The following BRCA1 variants were observed in gnomAD, a reference collection of about 807,000 sequenced individuals.
The protein encoded by BRCA1 is breast cancer type 1 susceptibility protein.
In BRCA1, 140 loss-of-function variants were observed where a neutral mutation model predicts 173.7. The observed-to-expected ratio is 0.81, with a 90% confidence interval of 0.70 to 0.93. BRCA1 has a LOEUF of 0.93. BRCA1 is among the 40% of genes least tolerant of loss of function. The pLI is 0.00. For missense variants in BRCA1, 1,983 were observed against 2,172.5 expected (o/e 0.91, Z 1.73); for synonymous variants, 662 against 756.0 (o/e 0.88, Z 2.04).
rs1331124182 is a variant in BRCA1, at chr17:43,062,715, A to G, written c.5193+618T>C. ...CGGGTTCAAGAGATTCTCCTGCCTC[A>G]GCCTCCTGAGTAGCTGGAACTAAAG... On this transcript the variant is annotated intron_variant, in intron 18 of 22. Transcript: ENST00000357654. Among the ~76,000 whole-genome samples the G allele has an allele frequency of 2.6e-5, 4 of 152,180 alleles. No individual in the cohort carries two copies. The South Asian group carries it at 8.3e-4, about 32-fold the overall frequency.
At chr17:43,147,922 C>A (rs1453049697) in intron 1 of BRCA1, among the ~76,000 whole-genome samples, 3 of 152,164 alleles carry the variant, frequency 2.0e-5, no homozygotes, top group Non-Finnish European at 1.5e-5. Flanking sequence ...ACAAACTTTC[C>A]CCTTCCTATC....
In BRCA1 at chr17:43,091,647, A is replaced by C; in HGVS notation, c.3884T>G (p.Leu1295Trp). The part of the protein sequence containing the change: ...LSEETKCSAS[L>W]FSSQCSELED... ...CAATTCACTGCACTGTGAAGAAAAC[A>C]AGCTAGCAGAACATTTTGTTTCCTC... The change falls in exon 10 of 23, where the codon TTG becomes TGG. Residue 1295 changes from leucine (L) to tryptophan (W), a missense_variant. By Grantham distance (61) the Leu-to-Trp change is moderately conservative. Coordinates refer to ENST00000357654, the MANE Select transcript of BRCA1 (RefSeq NM_007294.4). The C allele has an allele frequency of 6.2e-7, 1 of 1,614,224 alleles. No homozygotes were observed. Among genetic ancestry groups the C allele is most frequent in the Non-Finnish European group, 8.5e-7 (1 of 1,180,036 alleles).
chr17:43,161,413 G>C (rs977247739), intron 1 of BRCA1: 3 of 152,214 alleles, frequency 2.0e-5, no homozygotes, highest in African/African-American at 7.2e-5. Context: ...GGGAAGCATA[G>C]ACAGGGAAGC....
chr17:43,099,498 C>CG (rs1367486723), intron 7 of BRCA1, among the ~76,000 whole-genome samples: 3 of 151,798 alleles, frequency 2.0e-5, no homozygotes, highest in Non-Finnish European at 4.4e-5. Flanking sequence ...CTCGAACTCC[C>CG]GACCTCAGGT....
intron 22 of BRCA1, among the ~76,000 whole-genome samples, chr17:43,046,695 C>T (rs2050930964): frequency 6.7e-6 from 1 of 148,674 alleles, no homozygotes; most frequent in South Asian, 2.1e-4. Flanking sequence ...GCGGAGGTTG[C>T]AGTGAGCCAA....
rs2154363066 is a variant in BRCA1 at position 43,092,814 on chromosome 17, T to C, written c.2717A>G (p.Lys906Arg). The C allele has an allele frequency of 6.2e-7, 1 of 1,613,992 alleles. No homozygotes were observed. The highest frequency in any genetic ancestry group is 8.5e-7 in the Non-Finnish European group (1 of 1,179,954). Residue 906 changes from lysine to arginine, a missense_variant, in exon 10 of 23, where the codon AAG (lysine) becomes AGG (arginine). Lys to Arg is a conservative substitution (Grantham distance 26). Transcript: ENST00000357654. ...SPKVTFECEQKEENQGKNESN... is the reference protein window; with the variant it reads ...SPKVTFECEQREENQGKNESN... ...CTCATTCTTTCCTTGATTTTCTTCC[T>C]TTTGTTCACATTCAAAAGTGACTTT...
In BRCA1 at chr17:43,100,680, T is replaced by TATATA. The variant is rs2054419361; in HGVS notation, c.442-805_442-801dup. 3.4e-3 allele frequency among the ~76,000 whole-genome samples: 38 copies of TATATA among 11,068 alleles called. 4 individuals are homozygous for TATATA. Among genetic ancestry groups the TATATA allele is most frequent in the African/African-American group, 0.012 (34 of 2,878 alleles). The allele number at this position is 11,068 out of a possible 152,430, so 7.3% of individuals were successfully genotyped here. A position where few individuals can be genotyped will look rare whatever the true frequency, so the allele number is the denominator to read the frequency against. The stretch of plus-strand genomic sequence containing the variant: ...AACATATATATATATATATATATAA[T>TATATA]ATATATATATATATATATATATGTA... On this transcript the variant is annotated intron_variant, in intron 6 of 22. Transcript: ENST00000357654.
chr17:43,125,394 T>C (rs1223309082), upstream of BRCA1: 4 of 402,058 alleles, frequency 9.9e-6, no homozygotes, highest in Non-Finnish European at 2.0e-5. Context: ...GCAGTTTTAA[T>C]TTATCTGTAA....
rs80357172 is a variant in BRCA1, at chr17:43,092,271, C to G, written c.3260G>C (p.Gly1087Ala). The change falls in exon 10 of 23, where the codon GGG becomes GCG. Residue 1087 changes from glycine to alanine, a missense_variant. Physicochemically the swap from Gly to Ala is moderately conservative, Grantham distance 60 (BLOSUM62 0). Transcript: ENST00000357654. ...TTTATAGACCTCAGGTTGCAAAACC[C>G]CTAATCTAAGCATAGCATTCAATTT... is the stretch of plus-strand genomic sequence containing the variant. ...GPKLNAMLRL[G>A]VLQPEVYKQS... The G allele has an allele frequency of 1.8e-5, 29 of 1,613,632 alleles. No individual in the cohort carries two copies. Among genetic ancestry groups the G allele is most frequent in the Non-Finnish European group, 2.3e-5 (27 of 1,179,998 alleles).
chr17:43,049,431 T>G lies in BRCA1; in HGVS notation c.5333-237A>C, dbSNP rs1396982732. On this transcript the variant is annotated intron_variant, in intron 20 of 22. Coordinates refer to ENST00000357654, the MANE Select transcript of BRCA1 (RefSeq NM_007294.4). ...CTCCATAAGGCCACTTGGTATAAGG[T>G]TTGATAGTCTCTCAAATAAAATGCT... Among the ~76,000 whole-genome samples, 2 of 152,144 alleles carry G rather than the reference T, an allele frequency of 1.3e-5. No homozygotes were observed. Among genetic ancestry groups the G allele is most frequent in the East Asian group, 3.8e-4 (2 of 5,202 alleles).
At position 43,094,655 on chromosome 17, in the gene BRCA1, G is replaced by A. The variant is rs771001707; in HGVS notation, c.876C>T (p.Leu292=). ...SLQHENSSLL[L]TKDRMNVEKA... ...TTTCTACATTCATTCTGTCTTTAGT[G>A]AGTAATAAACTGCTGTTCTCATGCT... is the stretch of plus-strand genomic sequence containing the variant. The change falls in exon 10 of 23, where the codon CTC becomes CTT. Residue 292 remains leucine (L), a synonymous_variant. Coordinates refer to ENST00000357654, the MANE Select transcript of BRCA1 (RefSeq NM_007294.4). 1 of 1,614,128 alleles carries A rather than the reference G, an allele frequency of 6.2e-7. No individual in the cohort carries two copies. Among genetic ancestry groups the A allele is most frequent in the Non-Finnish European group, 8.5e-7 (1 of 1,180,032 alleles).
chr17:43,098,671 T>C (rs1003889262), intron 7 of BRCA1, among the ~76,000 whole-genome samples: 2 of 149,508 alleles, frequency 1.3e-5, no homozygotes, highest in Non-Finnish European at 3.0e-5. Flanking sequence ...CGGCCAAAAA[T>C]GTATTATTAT....
chr17:43,164,668 G>A (rs573499774), intron 1 of BRCA1: 5 of 152,256 alleles, frequency 3.3e-5, no homozygotes, highest in East Asian at 1.9e-4. Context: ...CTGGTGTGAC[G>A]AGTCCATCCT....
At chr17:43,126,809 C>T (rs1294546339), upstream of BRCA1, among the ~76,000 whole-genome samples, 2 of 152,188 alleles carry the variant, frequency 1.3e-5, no homozygotes, top group Non-Finnish European at 2.9e-5. Context: ...AAGCCAGAGC[C>T]GGCTCCCTCT....
chr17:43,159,398 T>A (rs2056220039), intron 1 of BRCA1: 1 of 156,964 alleles, frequency 6.4e-6, no homozygotes, highest in South Asian at 1.8e-4. Flanking sequence ...ACGGGGCGGC[T>A]GGCCTGGCGG....
chr17:43,100,690 T>TAAC (rs1171848444), intron 6 of BRCA1, among the ~76,000 whole-genome samples: 8 of 94,226 alleles, frequency 8.5e-5, no homozygotes, highest in African/African-American at 3.7e-4. Flanking sequence ...TATATATATA[T>TAAC]ATATATATAT....
intron 1 of BRCA1, among the ~76,000 whole-genome samples, chr17:43,156,410 A>G (rs1412639563): frequency 6.6e-6 from 1 of 152,220 alleles, no homozygotes; most frequent in Non-Finnish European, 1.5e-5. Flanking sequence ...AGTTGTGTAT[A>G]TAAGCAGAGC....
chr17:43,143,007 T>G (rs1417271800), intron 1 of BRCA1, among the ~76,000 whole-genome samples: 1 of 150,100 alleles, frequency 6.7e-6, no homozygotes, highest in Non-Finnish European at 1.5e-5. Context: ...TATGTATATA[T>G]GTGTGCATAT....
chr17:43,097,094 T>G (rs113655645), intron 8 of BRCA1, 150 bp downstream of exon 8: 1 of 731,202 alleles, frequency 1.4e-6, no homozygotes, highest in Non-Finnish European at 2.3e-6. Flanking sequence ...AAATCCCAAG[T>G]CGTGTGTTTA....
Sources: allele counts gnomAD v4.1 joint callset (sites outside exome capture counted in the v4.1 genomes callset), GRCh38; gene constraint gnomAD v4.1.1; transcripts MANE v1.5; gene names NCBI Gene and HGNC (gene_info 2026-07-23, HGNC 2026-07-21).